The following AUTS2 variants were observed in gnomAD, a reference collection of about 807,000 sequenced individuals.
AUTS2 encodes autism susceptibility gene 2 protein.
Under a neutral mutation model 112.4 loss-of-function variants are expected in AUTS2, and 17 were observed. The observed-to-expected ratio is 0.15, with a 90% CI of 0.10 to 0.23. The LOEUF (loss-of-function observed/expected upper bound fraction) is 0.23. Ranked by LOEUF, AUTS2 falls within the 10% of genes least tolerant of loss-of-function variation. AUTS2 has a pLI of 1.00. For synonymous variants in AUTS2, 751 were observed against 702.7 expected (o/e 1.07, Z -1.09); for missense variants, 1,510 against 1,701.6 (o/e 0.89, Z 1.98).
rs555857451 is a variant in AUTS2 at position 70,687,555 on chromosome 7, C to T, written c.691-11014C>T. 5.9e-5 allele frequency among the ~76,000 whole-genome samples: 9 copies of T among 152,304 alleles called. No homozygotes were observed. The East Asian group carries it at 9.6e-4, about 16-fold the overall frequency. ...AATTCCTTTCCTTGACTTCTACACT[C>T]GGAAAATATTTATTCCCCCCTGTGT... On this transcript the variant is annotated intron_variant, in intron 5 of 18. Transcript: ENST00000342771.
At chr7:69,816,608 C>T (rs1790772671) in intron 1 of AUTS2, among the ~76,000 whole-genome samples, 1 of 152,196 alleles carries the variant, frequency 6.6e-6, no homozygotes, top group South Asian at 2.1e-4. Flanking sequence ...AAAGGACTGA[C>T]TTTTGACCCA....
At chr7:70,692,070 G>T (rs1043185443) in intron 5 of AUTS2, among the ~76,000 whole-genome samples, 2 of 152,218 alleles carry the variant, frequency 1.3e-5, no homozygotes, top group East Asian at 3.9e-4. Context: ...GTTTCGCCAT[G>T]TTAGCCAGGC....
intron 2 of AUTS2, among the ~76,000 whole-genome samples, chr7:69,921,622 T>C (rs1195442105): frequency 6.6e-6 from 1 of 150,890 alleles, no homozygotes; most frequent in African/African-American, 2.4e-5. Context: ...AATACAAAAA[T>C]TAGCCAGGCT....
chr7:70,461,512 G>A (rs1345158925), intron 5 of AUTS2, among the ~76,000 whole-genome samples: 2 of 152,168 alleles, frequency 1.3e-5, no homozygotes, highest in Admixed American at 6.5e-5. Flanking sequence ...CCTCTTAGGT[G>A]CGCATCCGCT....
At chr7:70,000,272 A>G (rs1799127580) in intron 2 of AUTS2, among the ~76,000 whole-genome samples, 1 of 152,228 alleles carries the variant, frequency 6.6e-6, no homozygotes, top group Non-Finnish European at 1.5e-5. Flanking sequence ...TGGCAGAAGT[A>G]GTCAGAAGAG....
chr7:70,041,173 G>A (rs545895569), intron 2 of AUTS2, among the ~76,000 whole-genome samples: 1 of 152,292 alleles, frequency 6.6e-6, no homozygotes, highest in African/African-American at 2.4e-5. Context: ...ACCATCTACA[G>A]GCTACTGAAG....
chr7:70,497,840 G>A (rs1345754564), intron 5 of AUTS2, among the ~76,000 whole-genome samples: 3 of 152,148 alleles, frequency 2.0e-5, no homozygotes, highest in African/African-American at 7.2e-5. Flanking sequence ...TCTCAGACAC[G>A]CAGAGACCAT....
At chr7:70,415,229 G>T (rs1433431098) in intron 4 of AUTS2, among the ~76,000 whole-genome samples, 2 of 152,154 alleles carry the variant, frequency 1.3e-5, no homozygotes, top group African/African-American at 4.8e-5. Flanking sequence ...GAAGGTTGGG[G>T]GCAGCCTAGG....
chr7:70,789,070 C>G (rs10230910), intron 18 of AUTS2, among the ~76,000 whole-genome samples: 3,518 of 152,308 alleles, frequency 0.023, 137 homozygotes, highest in African/African-American at 0.078. Flanking sequence ...ACTGCCTTCC[C>G]TCCGTCTTCT....
intron 3 of AUTS2, chr7:70,119,655 C>T (rs1250700192): frequency 1.3e-5 from 2 of 152,112 alleles, no homozygotes; most frequent in Non-Finnish European, 2.9e-5. Context: ...AGCCACCTCG[C>T]CTGGCTTAAT....
intron 5 of AUTS2, among the ~76,000 whole-genome samples, chr7:70,560,194 C>G (rs1801422971): frequency 6.6e-6 from 1 of 152,178 alleles, no homozygotes; most frequent in African/African-American, 2.4e-5. Flanking sequence ...CCCTGACTAC[C>G]CTATTAAAAC....
chr7:69,990,333 A>G (rs56106840), intron 2 of AUTS2, among the ~76,000 whole-genome samples: 410 of 152,274 alleles, frequency 2.7e-3, no homozygotes, highest in African/African-American at 9.6e-3. Flanking sequence ...ATGCTTACCA[A>G]TTTTGTTCAT....
At chr7:70,143,103 T>C (rs911187370) in intron 4 of AUTS2, among the ~76,000 whole-genome samples, 1 of 152,200 alleles carries the variant, frequency 6.6e-6, no homozygotes, top group Non-Finnish European at 1.5e-5. Context: ...AAGAAACTTA[T>C]AGCTTGGTGA....
intron 1 of AUTS2, among the ~76,000 whole-genome samples, chr7:69,689,617 G>A (rs1797227434): frequency 6.7e-6 from 1 of 148,368 alleles, no homozygotes; most frequent in Admixed American, 6.7e-5. Flanking sequence ...TGGGATTACA[G>A]GCGTGAGCCA....
At chr7:70,015,262 A>G (rs946519376) in intron 2 of AUTS2, among the ~76,000 whole-genome samples, 1 of 152,216 alleles carries the variant, frequency 6.6e-6, no homozygotes, top group African/African-American at 2.4e-5. Flanking sequence ...AACCACACAC[A>G]TTTTGTTCCT....
intron 14 of AUTS2, among the ~76,000 whole-genome samples, chr7:70,779,152 G>A (rs1367223152): frequency 6.6e-6 from 1 of 152,130 alleles, no homozygotes; most frequent in Admixed American, 6.5e-5. Flanking sequence ...CCAAATTAAA[G>A]GAGGTATTCA....
chr7:70,385,073 G>C (rs563488431), intron 4 of AUTS2, among the ~76,000 whole-genome samples: 48 of 152,290 alleles, frequency 3.2e-4, no homozygotes, highest in Admixed American at 2.9e-3. Context: ...TTGGAGTCAT[G>C]ATACAGTTTC....
At position 70,207,468 on chromosome 7, in the gene AUTS2, A is replaced by G. The variant is rs146796787; in HGVS notation, c.660+72897A>G. ...GAAGAAAAGAAATTTATAATGTACT[A>G]TAATCATTTGAGATACAGTATTATG... is the stretch of plus-strand genomic sequence containing the variant. On this transcript the variant is annotated intron_variant, in intron 4 of 18. Transcript: ENST00000342771. 1.5e-3 allele frequency among the ~76,000 whole-genome samples: 234 copies of G among 152,366 alleles called. 1 individual carries two copies. The highest frequency in any genetic ancestry group is 4.7e-3 in the African/African-American group (195 of 41,586).
At chr7:70,753,271 T>A (rs1299847148) in intron 6 of AUTS2, among the ~76,000 whole-genome samples, 3 of 152,156 alleles carry the variant, frequency 2.0e-5, no homozygotes, top group Non-Finnish European at 4.4e-5. Context: ...TATTTTTTCC[T>A]ATTTAGGATT....
Sources: allele counts gnomAD v4.1 joint callset (sites outside exome capture counted in the v4.1 genomes callset), GRCh38; gene constraint gnomAD v4.1.1; transcripts MANE v1.5; gene names NCBI Gene and HGNC (gene_info 2026-07-23, HGNC 2026-07-21).